USH2A: variants seen among roughly 807,000 people sequenced by gnomAD.
USH2A encodes Usher syndrome 2A (autosomal recessive, mild).
USH2A carries 443 observed loss-of-function variants against 538.9 expected under a neutral mutation model. That is an observed-to-expected ratio of 0.82 (90% CI 0.76 to 0.89). The LOEUF (loss-of-function observed/expected upper bound fraction) is 0.89, where lower values mean the gene tolerates loss of function less well. USH2A is among the 40% of genes least tolerant of loss of function. The pLI is 0.00. For synonymous variants in USH2A, 2,413 were observed against 2,273.5 expected, an observed-to-expected ratio of 1.06 and a Z score of -1.75; for missense variants, 6,633 against 6,324.8, an observed-to-expected ratio of 1.05 and a Z score of -1.65.
At chr1:215,808,906 G>A (rs923452262) in intron 49 of USH2A, among the ~76,000 whole-genome samples, 2 of 152,016 alleles carry the variant, frequency 1.3e-5, no homozygotes, top group Non-Finnish European at 2.9e-5. Context: ...CTTTTCTCTA[G>A]GGTAAATATC....
chr1:216,123,701 T>A (rs1253205511), intron 21 of USH2A, among the ~76,000 whole-genome samples: 1 of 152,172 alleles, frequency 6.6e-6, no homozygotes, highest in Non-Finnish European at 1.5e-5. Context: ...TGTTCCTGAC[T>A]TACACAGCCC....
rs959536289 is a variant in USH2A, at chr1:215,835,189, A to T, written c.9371+2802T>A. ...CAAAAAAAAAAAAAAAAAAAAAAAAAGCTGACTAAAAGCTTTATAGTTAGG... is the reference window on the plus strand; with the variant it reads ...CAAAAAAAAAAAAAAAAAAAAAAAATGCTGACTAAAAGCTTTATAGTTAGG... On this transcript the variant is annotated intron_variant, in intron 47 of 71. Coordinates refer to ENST00000307340, the MANE Select transcript of USH2A (RefSeq NM_206933.4). Among the ~76,000 whole-genome samples the T allele has an allele frequency of 1.2e-4, 16 of 136,064 alleles. No homozygotes were observed. In the Admixed American group the frequency reaches 1.3e-3, roughly 11 times the overall value. 89.3% of individuals were successfully genotyped at this position (136,064 alleles called of 152,430 possible). A position where few individuals can be genotyped will look rare whatever the true frequency, so the allele number is the denominator to read the frequency against.
At chr1:215,926,422 A>G (rs914826972) in intron 38 of USH2A, among the ~76,000 whole-genome samples, 14 of 152,030 alleles carry the variant, frequency 9.2e-5, no homozygotes, top group Non-Finnish European at 1.5e-4. Context: ...TCCCTAATCA[A>G]TTGAAGGGAT....
At chr1:215,935,203 G>A (rs2102500235) in intron 37 of USH2A, among the ~76,000 whole-genome samples, 1 of 151,992 alleles carries the variant, frequency 6.6e-6, no homozygotes, top group Non-Finnish European at 1.5e-5. Flanking sequence ...TGTGCAGACA[G>A]GAAGAAATAA....
intron 61 of USH2A, among the ~76,000 whole-genome samples, chr1:215,719,327 G>A (rs907089641): frequency 5.4e-5 from 8 of 149,382 alleles, no homozygotes; most frequent in African/African-American, 2.0e-4. Flanking sequence ...TGGGGCAGGG[G>A]GGCCAGGGAT....
intron 67 of USH2A, among the ~76,000 whole-genome samples, chr1:215,645,832 T>C (rs546194346): frequency 6.6e-6 from 1 of 152,244 alleles, no homozygotes; most frequent in African/African-American, 2.4e-5. Context: ...TAATAGCAAA[T>C]TCTATTTGTC....
At chr1:216,225,540 G>A (rs79789315) in intron 14 of USH2A, among the ~76,000 whole-genome samples, 22 of 152,206 alleles carry the variant, frequency 1.4e-4, no homozygotes, top group African/African-American at 4.1e-4. Context: ...ATATGGCCAT[G>A]GGAAGCTTTA....
Position 216,078,269 on chromosome 1 carries a change from C to T in USH2A, c.5392G>A (p.Gly1798Arg), listed in dbSNP as rs780973020. The T allele has an allele frequency of 1.2e-6, 2 of 1,613,760 alleles. No homozygotes were observed. Among genetic ancestry groups the T allele is most frequent in the South Asian group, 2.2e-5 (2 of 91,080 alleles). The change falls in exon 27 of 72, where the codon GGA (glycine) becomes AGA (arginine). Residue 1798 changes from glycine to arginine, a missense_variant. Gly to Arg is a moderately radical substitution (Grantham distance 125). Coordinates refer to ENST00000307340, the MANE Select transcript of USH2A (RefSeq NM_206933.4). ...DLLLGLSYCN[G>R]KWNKVIIKKE... ...TTAATAATGACTTTATTCCACTTTC[C>T]ATTACAATAGGATAGCCCCAGCAAT... is the stretch of plus-strand genomic sequence containing the variant.
chr1:216,211,425 T>G (rs1433773323), intron 15 of USH2A, among the ~76,000 whole-genome samples: 1 of 152,164 alleles, frequency 6.6e-6, no homozygotes, highest in Admixed American at 6.5e-5. Flanking sequence ...GCTGCAGAAT[T>G]GCTTGTTCAA....
At chr1:216,067,350 G>T (rs116223452) in intron 30 of USH2A, among the ~76,000 whole-genome samples, 3,767 of 151,992 alleles carry the variant, frequency 0.025, 62 homozygotes, top group Middle Eastern at 0.038. Flanking sequence ...AGCCACCCTG[G>T]CACATGTATA....
At chr1:216,203,953 G>T (rs2035054457) in intron 16 of USH2A, 2 of 160,506 alleles carry the variant, frequency 1.2e-5, no homozygotes, top group South Asian at 2.1e-4. Flanking sequence ...GTGAATCTGG[G>T]GAGTCAGGGT....
chr1:215,976,060 T>G (rs1209819507), intron 35 of USH2A, among the ~76,000 whole-genome samples: 1 of 152,154 alleles, frequency 6.6e-6, no homozygotes, highest in Non-Finnish European at 1.5e-5. Context: ...CCTAGGAATT[T>G]ACTGTTTTGT....
At chr1:216,032,356 A>T (rs1356891223) in intron 32 of USH2A, among the ~76,000 whole-genome samples, 1 of 152,162 alleles carries the variant, frequency 6.6e-6, no homozygotes, top group African/African-American at 2.4e-5. Flanking sequence ...ATCACATTTA[A>T]TTTTTATACT....
At chr1:216,197,882 A>G (rs1422056461) in intron 18 of USH2A, among the ~76,000 whole-genome samples, 1 of 152,154 alleles carries the variant, frequency 6.6e-6, no homozygotes, top group Non-Finnish European at 1.5e-5. Flanking sequence ...CTAGTATCTA[A>G]ACTATTTATT....
intron 37 of USH2A, among the ~76,000 whole-genome samples, chr1:215,955,342 A>T (rs1667036678): frequency 6.6e-6 from 1 of 152,148 alleles, no homozygotes; most frequent in South Asian, 2.1e-4. Flanking sequence ...CATTCGTATA[A>T]ATTTAAATGT....
At chr1:216,381,949 A>T (rs2038929853) in intron 3 of USH2A, among the ~76,000 whole-genome samples, 4 of 152,132 alleles carry the variant, frequency 2.6e-5, no homozygotes, top group Admixed American at 2.6e-4. Flanking sequence ...AGCTCGAAAA[A>T]ATTCACATAA....
intron 38 of USH2A, among the ~76,000 whole-genome samples, chr1:215,924,728 C>A (rs1666192702): frequency 1.3e-5 from 2 of 151,920 alleles, no homozygotes; most frequent in Admixed American, 1.3e-4. Context: ...CTTAAAGGAA[C>A]AATATTTCCC....
intron 61 of USH2A, among the ~76,000 whole-genome samples, chr1:215,683,703 C>T (rs539278418): frequency 4.6e-5 from 7 of 151,860 alleles, no homozygotes; most frequent in South Asian, 4.2e-4. Flanking sequence ...ACTTTTCTTC[C>T]GTTTCTTCCT....
intron 11 of USH2A, among the ~76,000 whole-genome samples, chr1:216,268,455 G>A (rs906506601): frequency 2.0e-5 from 3 of 152,170 alleles, no homozygotes; most frequent in Admixed American, 1.3e-4. Context: ...GTAAGTGCTC[G>A]GTAAAGATGA....
Sources: gnomAD v4.1 joint callset for allele counts (sites outside exome capture counted in the v4.1 genomes callset) on GRCh38, gnomAD v4.1.1 for gene constraint, MANE v1.5 for transcripts, NCBI Gene and HGNC (gene_info 2026-07-23, HGNC 2026-07-21) for gene names.